The following IQCM variants were observed in gnomAD, a reference collection of about 807,000 sequenced individuals.
The protein encoded by IQCM is IQ domain-containing protein M.
In IQCM, 45 loss-of-function variants were observed where a neutral mutation model predicts 57.6. The observed-to-expected ratio is 0.78, with a 90% CI of 0.62 to 1.00. The LOEUF (loss-of-function observed/expected upper bound fraction) is 1.00. Among genes scored for constraint, IQCM ranks in the 50% least tolerant of loss-of-function variants. The probability of loss-of-function intolerance (pLI) is 0.00; values close to 1 mark genes in which losing one functional copy is unlikely to be tolerated. For synonymous variants in IQCM, 148 were observed against 158.9 expected (o/e 0.93, Z 0.51); for missense variants, 468 against 511.6 (o/e 0.91, Z 0.82).
chr4:149,689,860 A>C (rs1373901245), intron 5 of IQCM, among the ~76,000 whole-genome samples: 1 of 152,176 alleles, frequency 6.6e-6, no homozygotes, highest in African/African-American at 2.4e-5. Context: ...AGGGAAATGC[A>C]AATCAAAACC....
At chr4:149,646,240 A>G (rs1356503167) in intron 7 of IQCM, among the ~76,000 whole-genome samples, 1 of 152,070 alleles carries the variant, frequency 6.6e-6, no homozygotes, top group African/African-American at 2.4e-5. Flanking sequence ...AAATCACTCT[A>G]TTGTTTATGT....
chr4:149,495,972 C>A (rs1742615008), intron 12 of IQCM, among the ~76,000 whole-genome samples: 1 of 152,092 alleles, frequency 6.6e-6, no homozygotes, highest in Admixed American at 6.6e-5. Flanking sequence ...GTTTCACCAT[C>A]TTAGAGGGAA....
intron 5 of IQCM, among the ~76,000 whole-genome samples, chr4:149,692,377 G>T (rs1347849004): frequency 6.6e-6 from 1 of 152,168 alleles, no homozygotes; most frequent in African/African-American, 2.4e-5. Context: ...TTGGAAGGAA[G>T]TGGAAAATGT....
chr4:149,712,170 G>T (rs555718221), intron 5 of IQCM, among the ~76,000 whole-genome samples: 17 of 152,224 alleles, frequency 1.1e-4, no homozygotes, highest in Admixed American at 2.0e-4. Context: ...CCAGGGTTCA[G>T]AGGGAATGCC....
At chr4:149,364,437 A>G (rs1729699270) in intron 13 of IQCM, among the ~76,000 whole-genome samples, 1 of 152,132 alleles carries the variant, frequency 6.6e-6, no homozygotes, top group Admixed American at 6.5e-5. Context: ...GAAAAGATCT[A>G]AGGTCAGGAT....
intron 13 of IQCM, among the ~76,000 whole-genome samples, chr4:149,375,588 T>C (rs1208006574): frequency 6.6e-6 from 1 of 152,224 alleles, no homozygotes; most frequent in Non-Finnish European, 1.5e-5. Flanking sequence ...ATCAGGTTAA[T>C]ACATTTCTGT....
chr4:149,563,824 T>C lies in IQCM; in HGVS notation c.816A>G (p.Ile272Met), dbSNP rs1299754482. ...DSKVKRIGPH[I>M]EIFQVFRERK... Reference sequence around the variant, plus strand: ...TTTCTCGGAACACTTGGAAGATTTCTATGTGTGGTCCAATTCTTTTAACTT... The same window carrying C: ...TTTCTCGGAACACTTGGAAGATTTCCATGTGTGGTCCAATTCTTTTAACTT... Residue 272 changes from isoleucine (I) to methionine (M), a missense_variant, in exon 10 of 14, where the codon ATA becomes ATG. Transcript: ENST00000636793. The C allele has an allele frequency of 1.6e-6, 2 of 1,229,224 alleles. No individual in the cohort carries two copies. Among genetic ancestry groups the C allele is most frequent in the African/African-American group, 1.6e-5 (1 of 64,390 alleles). 76.1% of individuals were successfully genotyped at this position (1,229,224 alleles called of 1,614,324 possible). A position where few individuals can be genotyped will look rare whatever the true frequency, so the allele number is the denominator to read the frequency against.
At chr4:149,404,148 T>A (rs1015299845) in intron 13 of IQCM, among the ~76,000 whole-genome samples, 2 of 152,044 alleles carry the variant, frequency 1.3e-5, no homozygotes, top group Non-Finnish European at 2.9e-5. Flanking sequence ...AAGAGACACA[T>A]GTTCTTCGAT....
At chr4:149,695,638 G>C (rs1763278366) in intron 5 of IQCM, among the ~76,000 whole-genome samples, 1 of 152,152 alleles carries the variant, frequency 6.6e-6, no homozygotes, top group Non-Finnish European at 1.5e-5. Flanking sequence ...TTTAATATGA[G>C]AGAAACTTTA....
At chr4:149,626,225 C>G (rs1756783456) in intron 7 of IQCM, among the ~76,000 whole-genome samples, 2 of 151,634 alleles carry the variant, frequency 1.3e-5, no homozygotes, top group Admixed American at 1.3e-4. Context: ...GCCTAGCCTC[C>G]CAGCCTACAT....
At chr4:149,361,115 G>T (rs1176420139) in intron 13 of IQCM, among the ~76,000 whole-genome samples, 2 of 152,192 alleles carry the variant, frequency 1.3e-5, no homozygotes, top group African/African-American at 2.4e-5. Context: ...GCGGCATTTT[G>T]CCCCTGCCCT....
chr4:149,697,145 C>T (rs1395423570), intron 5 of IQCM, among the ~76,000 whole-genome samples: 1 of 152,038 alleles, frequency 6.6e-6, no homozygotes, highest in African/African-American at 2.4e-5. Context: ...ACCTACAGGG[C>T]CATACATTAT....
At chr4:149,391,861 G>A (rs1731880459) in intron 13 of IQCM, among the ~76,000 whole-genome samples, 1 of 151,832 alleles carries the variant, frequency 6.6e-6, no homozygotes, top group South Asian at 2.1e-4. Flanking sequence ...TTTGATCCTT[G>A]TACATTTATT....
chr4:149,569,095 G>A (rs149375281), intron 9 of IQCM, among the ~76,000 whole-genome samples: 228 of 152,306 alleles, frequency 1.5e-3, no homozygotes, highest in African/African-American at 5.2e-3. Flanking sequence ...TCTAAAGGAT[G>A]AGAAGCCACA....
At chr4:149,409,844 G>A (rs1733246157) in intron 13 of IQCM, among the ~76,000 whole-genome samples, 1 of 152,140 alleles carries the variant, frequency 6.6e-6, no homozygotes, top group African/African-American at 2.4e-5. Context: ...TACCTCTCCT[G>A]CCAGCTGGCC....
intron 5 of IQCM, among the ~76,000 whole-genome samples, chr4:149,699,061 G>A (rs898086447): frequency 1.3e-5 from 2 of 151,928 alleles, no homozygotes; most frequent in Admixed American, 6.6e-5. Flanking sequence ...AACAGATAAG[G>A]CAGACACATA....
chr4:149,569,140 C>T (rs1750917345), intron 9 of IQCM, among the ~76,000 whole-genome samples: 1 of 152,170 alleles, frequency 6.6e-6, no homozygotes. Context: ...CTAGCATGAG[C>T]CCAGGTCTGG....
At chr4:149,391,723 T>C (rs1223688123) in intron 13 of IQCM, among the ~76,000 whole-genome samples, 1 of 152,054 alleles carries the variant, frequency 6.6e-6, no homozygotes, top group African/African-American at 2.4e-5. Flanking sequence ...ACTTGTAATT[T>C]CTTCTTTGAT....
chr4:149,452,222 T>C (rs1249559067), intron 12 of IQCM, among the ~76,000 whole-genome samples: 2 of 151,640 alleles, frequency 1.3e-5, no homozygotes, highest in Non-Finnish European at 3.0e-5. Context: ...AGATATGTCA[T>C]ATACATTTAT....
Sources: allele counts gnomAD v4.1 joint callset (sites outside exome capture counted in the v4.1 genomes callset), GRCh38; gene constraint gnomAD v4.1.1; transcripts MANE v1.5; gene names NCBI Gene and HGNC (gene_info 2026-07-23, HGNC 2026-07-21).